Variants in ZNF423 observed in about 807,000 individuals in gnomAD.
ZNF423 encodes zinc finger protein 423.
A neutral mutation model predicts 95.8 loss-of-function variants in ZNF423; 12 were observed. The observed-to-expected ratio is 0.13, with a 90% CI of 0.08 to 0.20. ZNF423 has a LOEUF of 0.20. Among genes scored for constraint, ZNF423 ranks in the 10% least tolerant of loss-of-function variants. The pLI is 1.00. For missense variants in ZNF423, 1,316 were observed against 1,737.1 expected, an observed-to-expected ratio of 0.76 and a Z score of 4.31; for synonymous variants, 749 against 711.9, an observed-to-expected ratio of 1.05 and a Z score of -0.83.
At chr16:49,669,198 G>A (rs151285577) in intron 3 of ZNF423, among the ~76,000 whole-genome samples, 42 of 151,960 alleles carry the variant, frequency 2.8e-4, no homozygotes, top group Middle Eastern at 3.4e-3. Context: ...GTGTGGTGGC[G>A]CACACCTGTA....
intron 5 of ZNF423, among the ~76,000 whole-genome samples, chr16:49,623,656 C>T (rs1315388288): frequency 6.6e-6 from 1 of 152,218 alleles, no homozygotes; most frequent in Admixed American, 6.5e-5. Context: ...CAGCAGGGGG[C>T]TTTCAGACGG....
In ZNF423 at chr16:49,600,870, C is replaced by G. The variant is rs115483435; in HGVS notation, c.3601+25300G>C. 1.6e-3 allele frequency among the ~76,000 whole-genome samples: 239 copies of G among 152,276 alleles called. 1 individual carries two copies. The highest frequency in any genetic ancestry group is 5.5e-3 in the African/African-American group (227 of 41,548). ...CCGTCGCTCAGGAGGGGCTCCGGCC[C>G]GGCCGGCGGCCTCCAAACTTCATTT... is the stretch of plus-strand genomic sequence containing the variant. On this transcript the variant is annotated intron_variant, in intron 5 of 7. Coordinates refer to ENST00000563137, the MANE Select transcript of ZNF423 (RefSeq NM_001379286.1).
At chr16:49,545,000 C>T (rs183489450) in intron 5 of ZNF423, among the ~76,000 whole-genome samples, 1 of 152,346 alleles carries the variant, frequency 6.6e-6, no homozygotes, top group East Asian at 1.9e-4. Flanking sequence ...ATCACAGTGG[C>T]ACTATGGGGC....
At chr16:49,768,441 G>A (rs1040760939) in intron 2 of ZNF423, among the ~76,000 whole-genome samples, 1 of 152,160 alleles carries the variant, frequency 6.6e-6, no homozygotes, top group Non-Finnish European at 1.5e-5. Context: ...ACATCTAAAC[G>A]AAGAGCCGGT....
At chr16:49,557,433 C>T (rs1386245628) in intron 5 of ZNF423, among the ~76,000 whole-genome samples, 1 of 152,180 alleles carries the variant, frequency 6.6e-6, no homozygotes, top group Admixed American at 6.5e-5. Context: ...GAGGAACTCC[C>T]GGGGCCACCA....
At chr16:49,689,220 T>C (rs576985901) in intron 3 of ZNF423, among the ~76,000 whole-genome samples, 4 of 150,748 alleles carry the variant, frequency 2.7e-5, no homozygotes, top group Admixed American at 1.3e-4. Flanking sequence ...TGCAGGAGGA[T>C]GGCTTGAGCC....
In ZNF423 at chr16:49,637,635, G is replaced by C. The variant is rs1972783465; in HGVS notation, c.1541C>G (p.Pro514Arg). Residue 514 changes from proline to arginine, a missense_variant, in exon 4 of 8, where the codon CCC (proline) becomes CGC (arginine). Pro to Arg is a moderately radical substitution (Grantham distance 103). Coordinates refer to ENST00000563137, the MANE Select transcript of ZNF423 (RefSeq NM_001379286.1). This position sits in a 1 kb window ranked among gnomAD's most constrained non-coding sequence, Gnocchi z 5.6. ...QEHIRVSHCG[P>R]NANPSDGNNA... ...ATTACCGTCAGAGGGGTTGGCGTTG[G>C]GGCCGCAGTGGGAGACGCGGATGTG... 1 of 1,614,044 alleles carries C rather than the reference G, an allele frequency of 6.2e-7. No homozygotes were observed. Among genetic ancestry groups the C allele is most frequent in the Non-Finnish European group, 8.5e-7 (1 of 1,180,044 alleles).
intron 3 of ZNF423, among the ~76,000 whole-genome samples, chr16:49,692,908 T>C (rs1294095319): frequency 6.6e-6 from 1 of 152,254 alleles, no homozygotes; most frequent in African/African-American, 2.4e-5. Flanking sequence ...GTCCTAAGCT[T>C]AGCCTAGCAC....
chr16:49,620,955 TCCTCC>T (rs1567508587), intron 5 of ZNF423, among the ~76,000 whole-genome samples: 1 of 151,966 alleles, frequency 6.6e-6, no homozygotes, highest in African/African-American at 2.4e-5. Flanking sequence ...GACCCACTGC[TCCTCC>T]CTTCCCAGCC....
chr16:49,702,903 GCACACGCACACACACACA>G lies in ZNF423; in HGVS notation c.301+27850_301+27867del, dbSNP rs914299322. Among the ~76,000 whole-genome samples the G allele has an allele frequency of 6.7e-5, 8 of 118,566 alleles. No individual in the cohort carries two copies. In the South Asian group the frequency reaches 1.4e-3, roughly 20 times the overall value. The allele number at this position is 118,566 out of a possible 152,430, so 77.8% of individuals were successfully genotyped here. On this transcript the variant is annotated intron_variant, in intron 3 of 7. Coordinates refer to ENST00000563137, the MANE Select transcript of ZNF423 (RefSeq NM_001379286.1). The stretch of plus-strand genomic sequence containing the variant: ...GAGTGCCAAGCCAACCTGCCTGTGT[GCACACGCACACACACACA>G]CACACACACACACACACACACACAC...
chr16:49,702,775 G>A (rs1278724987), intron 3 of ZNF423, among the ~76,000 whole-genome samples: 1 of 152,244 alleles, frequency 6.6e-6, no homozygotes, highest in Non-Finnish European at 1.5e-5. Flanking sequence ...CAAGGGCCAG[G>A]CTGGGGCCCT....
At chr16:49,702,905 A>ACG (rs1297746432) in intron 3 of ZNF423, among the ~76,000 whole-genome samples, 5 of 105,558 alleles carry the variant, frequency 4.7e-5, no homozygotes, top group African/African-American at 6.8e-5. Flanking sequence ...GCCTGTGTGC[A>ACG]CACGCACACA....
intron 3 of ZNF423, among the ~76,000 whole-genome samples, chr16:49,717,848 C>T (rs2032752418): frequency 6.6e-6 from 1 of 152,186 alleles, no homozygotes; most frequent in African/African-American, 2.4e-5. Flanking sequence ...GCTGACATAG[C>T]GTCAGAGCAC....
chr16:49,724,740 G>A lies in ZNF423; in HGVS notation c.301+6031C>T, dbSNP rs367931808. ...CCAGGGTGTAATTAACTTTCCACCC[G>A]GCTTGTTGCACAGCAGCATTTCACC... On this transcript the variant is annotated intron_variant, in intron 3 of 7. Transcript: ENST00000563137. 1.8e-4 allele frequency among the ~76,000 whole-genome samples: 28 copies of A among 152,266 alleles called. 1 individual carries two copies. The South Asian group carries it at 3.3e-3, about 18-fold the overall frequency.
intron 7 of ZNF423, among the ~76,000 whole-genome samples, chr16:49,510,804 G>A (rs1213355387): frequency 6.6e-6 from 1 of 152,240 alleles, no homozygotes; most frequent in Non-Finnish European, 1.5e-5. Context: ...AGAAACTGAA[G>A]GCATGTGGTC....
chr16:49,734,364 C>T (rs1235263460), intron 2 of ZNF423, among the ~76,000 whole-genome samples: 2 of 152,252 alleles, frequency 1.3e-5, no homozygotes, highest in African/African-American at 4.8e-5. Flanking sequence ...CCTGGCCCTG[C>T]CTTGTGAGTC....
intron 7 of ZNF423, among the ~76,000 whole-genome samples, chr16:49,511,201 A>G (rs1417849157): frequency 6.6e-6 from 1 of 152,204 alleles, no homozygotes; most frequent in African/African-American, 2.4e-5. Context: ...GTGACCAGGG[A>G]GAAGCCATTG....
chr16:49,596,683 C>T (rs1971187872), intron 5 of ZNF423, among the ~76,000 whole-genome samples: 2 of 152,196 alleles, frequency 1.3e-5, no homozygotes, highest in Non-Finnish European at 2.9e-5. Context: ...AATTTGGCTC[C>T]CTCTCTACCA....
chr16:49,838,184 A>T (rs746186462), intron 1 of ZNF423, among the ~76,000 whole-genome samples: 16 of 152,206 alleles, frequency 1.1e-4, no homozygotes, highest in Non-Finnish European at 2.4e-4. Flanking sequence ...GATGCACTGG[A>T]AGCTGCACCC....
Sources: gnomAD v4.1 joint callset for allele counts (sites outside exome capture counted in the v4.1 genomes callset) on GRCh38, gnomAD v4.1.1 for gene constraint, Gnocchi (gnomAD v3.1) non-coding constraint, MANE v1.5 for transcripts, NCBI Gene and HGNC (gene_info 2026-07-23, HGNC 2026-07-21) for gene names.